The following PRRC1 variants were observed in gnomAD, a reference collection of about 807,000 sequenced individuals.
PRRC1 encodes protein PRRC1.
Under a neutral mutation model 40.7 loss-of-function variants are expected in PRRC1, and 39 were observed. The observed-to-expected ratio is 0.96, with a 90% confidence interval of 0.74 to 1.25. The LOEUF is 1.25. Ranked by LOEUF, PRRC1 falls within the 50% of genes most tolerant of loss-of-function variation. The pLI, the probability that PRRC1 is intolerant of heterozygous loss-of-function variation, is 0.00. For missense variants in PRRC1, 573 were observed against 548.3 expected (o/e 1.05, Z -0.45); for synonymous variants, 175 against 193.3 (o/e 0.91, Z 0.79).
Position 127,552,240 on chromosome 5 carries a change from C to T in PRRC1, c.*324C>T. ...GAGACATTTAACTTAATGCCATGTA[C>T]TTGATTATTTTGTTCTTTAAAGAAG... is the stretch of plus-strand genomic sequence containing the variant. On this transcript the variant is annotated 3_prime_UTR_variant, in exon 9 of 9. Coordinates refer to ENST00000296666, the MANE Select transcript of PRRC1 (RefSeq NM_130809.5). 9.3e-7 allele frequency: 1 copy of T among 1,071,188 alleles called. No individual in the cohort carries two copies. Among genetic ancestry groups the T allele is most frequent in the East Asian group, 7.2e-5 (1 of 13,940 alleles). The allele number at this position is 1,071,188 out of a possible 1,614,324, so 66.4% of individuals were successfully genotyped here.
intron 7 of PRRC1, among the ~76,000 whole-genome samples, chr5:127,545,930 TG>T (rs1476081546): frequency 6.8e-6 from 1 of 147,774 alleles, no homozygotes; most frequent in African/African-American, 2.5e-5. Context: ...CTTGCTTGCT[TG>T]CTCTCATAAT....
At chr5:127,538,370 C>T (rs1479511989) in intron 6 of PRRC1, among the ~76,000 whole-genome samples, 1 of 152,074 alleles carries the variant, frequency 6.6e-6, no homozygotes, top group Non-Finnish European at 1.5e-5. Flanking sequence ...ATATTCATCA[C>T]ATTGTTCATG....
At chr5:127,531,952 G>A (rs1393108647) in intron 5 of PRRC1, among the ~76,000 whole-genome samples, 1 of 151,920 alleles carries the variant, frequency 6.6e-6, no homozygotes, top group African/African-American at 2.4e-5. Flanking sequence ...AAAAAGAAAG[G>A]TACAGAAATG....
intron 6 of PRRC1, among the ~76,000 whole-genome samples, chr5:127,535,050 A>C (rs1767861879): frequency 6.6e-6 from 1 of 151,834 alleles, no homozygotes; most frequent in African/African-American, 2.4e-5. Context: ...TACAGACTGA[A>C]TTTGTGAATA....
chr5:127,528,537 G>C (rs758452757), intron 4 of PRRC1, among the ~76,000 whole-genome samples: 24 of 151,960 alleles, frequency 1.6e-4, no homozygotes. Flanking sequence ...GGCTGGTCTC[G>C]AACTCCTGAC....
At chr5:127,522,668 G>A (rs1767490271) in intron 1 of PRRC1, among the ~76,000 whole-genome samples, 1 of 152,064 alleles carries the variant, frequency 6.6e-6, no homozygotes, top group South Asian at 2.1e-4. Context: ...TAGGTTTACA[G>A]CGGTCAGCCA....
chr5:127,519,088 G>A (rs1211217113), intron 1 of PRRC1, among the ~76,000 whole-genome samples: 1 of 152,126 alleles, frequency 6.6e-6, no homozygotes, highest in East Asian at 1.9e-4. Context: ...TTCTTTTGCA[G>A]ACACATTTGT....
At chr5:127,518,114 G>T (rs1420473882) in intron 1 of PRRC1, 1 of 152,456 alleles carries the variant, frequency 6.6e-6, no homozygotes. Flanking sequence ...ACCTTCCAGG[G>T]CGCTGACTTT....
intron 4 of PRRC1, among the ~76,000 whole-genome samples, chr5:127,527,517 C>T (rs1392898117): frequency 6.6e-6 from 1 of 151,922 alleles, no homozygotes; most frequent in Non-Finnish European, 1.5e-5. Flanking sequence ...CTTTGGGAAG[C>T]CCAGGCAGGG....
In PRRC1 at chr5:127,526,612, G is replaced by A. The variant is rs772391838; in HGVS notation, c.494-6G>A. The A allele has an allele frequency of 1.3e-6, 2 of 1,597,576 alleles. No individual in the cohort carries two copies. The highest frequency in any genetic ancestry group is 2.3e-5 in the South Asian group (2 of 86,684). ...TATACATATGAAAATTTTTGCCATTGATTAGGTCTTTTGCCAACTCCTATT... is the reference window on the plus strand; with the variant it reads ...TATACATATGAAAATTTTTGCCATTAATTAGGTCTTTTGCCAACTCCTATT... On this transcript the variant is annotated splice_region_variant and splice_polypyrimidine_tract_variant and intron_variant, in intron 3 of 8. Transcript: ENST00000296666.
intron 1 of PRRC1, among the ~76,000 whole-genome samples, chr5:127,521,142 CT>C (rs1767448667): frequency 6.6e-6 from 1 of 152,154 alleles, no homozygotes; most frequent in African/African-American, 2.4e-5. Flanking sequence ...TTCAGCTCCC[CT>C]GTTCTTTGTT....
intron 5 of PRRC1, among the ~76,000 whole-genome samples, chr5:127,531,869 C>T (rs777469701): frequency 1.8e-4 from 28 of 151,728 alleles, no homozygotes; most frequent in Non-Finnish European, 2.6e-4. Flanking sequence ...AGCTCAGTGA[C>T]TTCCACAAGG....
At chr5:127,533,413 C>T (rs570562966) in intron 5 of PRRC1, among the ~76,000 whole-genome samples, 2 of 152,166 alleles carry the variant, frequency 1.3e-5, no homozygotes, top group Admixed American at 1.3e-4. Flanking sequence ...TGAGTCCTGA[C>T]ATTAGTGCTA....
chr5:127,553,798 T>C lies in PRRC1; in HGVS notation c.*1882T>C, dbSNP rs73333200. ...TCACAAATACTGACATTTCATTAGA[T>C]GATTATTTTCCTAGAATCCCCAAAG... On this transcript the variant is annotated 3_prime_UTR_variant, in exon 9 of 9. Transcript: ENST00000296666. 3.0e-3 allele frequency: 4,545 copies of C among 1,535,448 alleles called. 107 individuals are homozygous for C. In the African/African-American group the frequency reaches 0.054, roughly 18 times the overall value.
At chr5:127,535,400 A>G (rs906159570) in intron 6 of PRRC1, among the ~76,000 whole-genome samples, 1 of 152,190 alleles carries the variant, frequency 6.6e-6, no homozygotes, top group African/African-American at 2.4e-5. Context: ...GATGCAAAAA[A>G]GAGGTGCTAA....
Position 127,533,756 on chromosome 5 carries a change from A to G in PRRC1, c.891A>G (p.Pro297=). ...VGEAGQSNIA[P]QPVGYAAGLK... ...AAGCTGGACAGTCCAATATTGCCCCACAACCAGTGGGCTATGCAGCTGGAT... is the reference window on the plus strand; with the variant it reads ...AAGCTGGACAGTCCAATATTGCCCCGCAACCAGTGGGCTATGCAGCTGGAT... The change falls in exon 6 of 9, where the codon CCA becomes CCG. Residue 297 remains proline, a synonymous_variant. Transcript: ENST00000296666. 6.2e-7 allele frequency: 1 copy of G among 1,614,112 alleles called. No homozygotes were observed. The highest frequency in any genetic ancestry group is 8.5e-7 in the Non-Finnish European group (1 of 1,179,988).
At chr5:127,539,001 A>C (rs1377645239) in intron 6 of PRRC1, 39 bp from the exon 7 acceptor site, 1 of 1,441,376 alleles carries the variant, frequency 6.9e-7, no homozygotes, top group Non-Finnish European at 9.7e-7. Context: ...AATATGTAAT[A>C]ATTTGAAATG....
At chr5:127,527,757 C>CAAAAAAAAAAAAAAAAAAAAAAAAA in intron 4 of PRRC1, among the ~76,000 whole-genome samples, 1 of 80,264 alleles carries the variant, frequency 1.2e-5, no homozygotes, top group African/African-American at 4.3e-5. Context: ...GACACTGTCT[C>CAAAAAAAAAAAAAAAAAAAAAAAAA]AAAAAAAAAA....
At chr5:127,522,617 C>G (rs980230286) in intron 1 of PRRC1, among the ~76,000 whole-genome samples, 1 of 151,876 alleles carries the variant, frequency 6.6e-6, no homozygotes, top group African/African-American at 2.4e-5. Context: ...GTCTCAAACT[C>G]CTGGTCTCAA....
Sources: allele counts gnomAD v4.1 joint callset (sites outside exome capture counted in the v4.1 genomes callset), GRCh38; gene constraint gnomAD v4.1.1; transcripts MANE v1.5; gene names NCBI Gene and HGNC (gene_info 2026-07-23, HGNC 2026-07-21).